PSMA8: variants seen among roughly 807,000 people sequenced by gnomAD.
PSMA8 encodes the protein proteasome subunit alpha-type 8.
PSMA8 carries 18 observed loss-of-function variants against 32.4 expected under a neutral mutation model. That is an observed-to-expected ratio of 0.56 (90% CI 0.38 to 0.82). PSMA8 has a LOEUF of 0.82. Among genes scored for constraint, PSMA8 ranks in the 40% least tolerant of loss-of-function variants. The pLI, the probability that PSMA8 is intolerant of heterozygous loss-of-function variation, is 0.00. For synonymous variants in PSMA8, 104 were observed against 98.1 expected (o/e 1.06, Z -0.36); for missense variants, 298 against 300.7 (o/e 0.99, Z 0.07).
intron 3 of PSMA8, among the ~76,000 whole-genome samples, chr18:26,157,112 A>C (rs950328494): frequency 1.3e-5 from 2 of 151,776 alleles, no homozygotes; most frequent in African/African-American, 4.8e-5. Flanking sequence ...ATTTTAAAAT[A>C]CATATAATAA....
rs565553452 is a variant in PSMA8 at position 26,184,857 on chromosome 18, C to T, written c.660+5727C>T. On this transcript the variant is annotated intron_variant, in intron 6 of 6. Coordinates refer to ENST00000415576, the MANE Select transcript of PSMA8 (RefSeq NM_001025096.2). ...ATCCCAGTACTTTGGGAGGCCAAGG[C>T]GGGTGGATCACCTGAGGTTAGGAGT... 6.1e-5 allele frequency among the ~76,000 whole-genome samples: 9 copies of T among 147,920 alleles called. 1 individual carries two copies. Among genetic ancestry groups the T allele is most frequent in the African/African-American group, 2.3e-4 (9 of 39,832 alleles).
intron 1 of PSMA8, chr18:26,140,034 T>C (rs1328046591): frequency 1.4e-6 from 1 of 702,892 alleles, no homozygotes. Context: ...TTTATTTTCT[T>C]CCTTTGGTAG....
chr18:26,181,396 T>G (rs936274560), intron 6 of PSMA8, among the ~76,000 whole-genome samples: 3 of 152,136 alleles, frequency 2.0e-5, no homozygotes, highest in African/African-American at 7.2e-5. Flanking sequence ...CTCCCTCTCC[T>G]CAGGCCTCCT....
intron 6 of PSMA8, among the ~76,000 whole-genome samples, chr18:26,183,616 A>C (rs1459356505): frequency 6.6e-6 from 1 of 150,718 alleles, no homozygotes; most frequent in Non-Finnish European, 1.5e-5. Flanking sequence ...GTTGCTTCTT[A>C]AAGATGAGAA....
At chr18:26,148,696 T>C (rs559722146) in intron 2 of PSMA8, among the ~76,000 whole-genome samples, 135 of 152,200 alleles carry the variant, frequency 8.9e-4, no homozygotes, top group South Asian at 2.9e-3. Flanking sequence ...TAAATAAAGG[T>C]ATCCAAATTG....
intron 3 of PSMA8, among the ~76,000 whole-genome samples, chr18:26,154,194 G>A (rs915171859): frequency 3.3e-5 from 5 of 152,080 alleles, no homozygotes; most frequent in Admixed American, 2.6e-4. Context: ...GAGCCACTGC[G>A]CCCAGTCAAA....
intron 6 of PSMA8, among the ~76,000 whole-genome samples, chr18:26,187,819 T>C (rs2055368821): frequency 1.3e-5 from 2 of 152,142 alleles, no homozygotes; most frequent in Non-Finnish European, 2.9e-5. Flanking sequence ...ACCAGATAGA[T>C]TCCAATACAA....
At chr18:26,152,346 A>G (rs1379882523) in intron 3 of PSMA8, among the ~76,000 whole-genome samples, 3 of 151,886 alleles carry the variant, frequency 2.0e-5, no homozygotes, top group Non-Finnish European at 4.4e-5. Context: ...GTTTTTTGAG[A>G]CAGGGTCTCA....
intron 4 of PSMA8, among the ~76,000 whole-genome samples, chr18:26,160,182 G>T (rs2055124249): frequency 6.6e-6 from 1 of 152,130 alleles, no homozygotes; most frequent in Admixed American, 6.5e-5. Flanking sequence ...GTACACACTT[G>T]TAGTCCCAGC....
chr18:26,156,255 A>C (rs1598651700), intron 3 of PSMA8, among the ~76,000 whole-genome samples: 1 of 152,194 alleles, frequency 6.6e-6, no homozygotes, highest in African/African-American at 2.4e-5. Context: ...TCCTCAGAAA[A>C]CTATTATAGA....
chr18:26,143,372 G>A (rs2054975080), intron 1 of PSMA8, among the ~76,000 whole-genome samples: 1 of 152,160 alleles, frequency 6.6e-6, no homozygotes, highest in Non-Finnish European at 1.5e-5. Context: ...ATGGCATCCT[G>A]TCCATGGTTG....
intron 1 of PSMA8, among the ~76,000 whole-genome samples, chr18:26,134,954 C>T (rs1254286808): frequency 7.0e-6 from 1 of 142,602 alleles, no homozygotes; most frequent in Non-Finnish European, 1.5e-5. Context: ...AACTCCGTCT[C>T]GGGAAAAAAA....
chr18:26,180,713 C>CAT (rs2055304211), intron 6 of PSMA8, among the ~76,000 whole-genome samples: 1 of 151,966 alleles, frequency 6.6e-6, no homozygotes, highest in African/African-American at 2.4e-5. Context: ...CACACACACA[C>CAT]ACACACACAC....
chr18:26,192,172 G>A (rs1381761985), intron 6 of PSMA8, 147 bp from the exon 7 acceptor site: 20 of 691,818 alleles, frequency 2.9e-5, no homozygotes, highest in Non-Finnish European at 4.1e-5. Flanking sequence ...TAGACCTCTT[G>A]AAATGCTTCA....
At chr18:26,170,883 A>G in intron 4 of PSMA8, 1 of 1,559,592 alleles carries the variant, frequency 6.4e-7, no homozygotes, top group South Asian at 1.1e-5. Flanking sequence ...CCTTGTCACA[A>G]ATAGTTTAAG....
chr18:26,143,728 T>C (rs2054978093), intron 1 of PSMA8, among the ~76,000 whole-genome samples: 3 of 152,094 alleles, frequency 2.0e-5, no homozygotes, highest in Admixed American at 1.3e-4. Flanking sequence ...TATCATACTT[T>C]CTTTTTTTTT....
At chr18:26,141,713 C>CTTTTTTTTTTTTTTTTTTTTTTTTTTTT (rs1011733993) in intron 1 of PSMA8, among the ~76,000 whole-genome samples, 2 of 109,992 alleles carry the variant, frequency 1.8e-5, no homozygotes, top group African/African-American at 7.5e-5. Context: ...TTTCTTTTTT[C>CTTTTTTTTTTTTTTTTTTTTTTTTTTTT]TTTTTTTTTT....
At chr18:26,147,631 T>G (rs909945996) in intron 2 of PSMA8, among the ~76,000 whole-genome samples, 4 of 152,224 alleles carry the variant, frequency 2.6e-5, no homozygotes, top group African/African-American at 9.6e-5. Flanking sequence ...TATATCATAT[T>G]GTTTGTTAGC....
rs574260788 is a variant in PSMA8, at chr18:26,154,777, C to T, written c.354+2795C>T. Among the ~76,000 whole-genome samples the T allele has an allele frequency of 5.1e-3, 782 of 152,186 alleles. 3 individuals are homozygous for T. Among genetic ancestry groups the T allele is most frequent in the Non-Finnish European group, 8.3e-3 (567 of 67,992 alleles). ...GATTACAGGCACGTGCCACTACGCC[C>T]AGCTAATTTTTGTATTTTCAGTAGA... On this transcript the variant is annotated intron_variant, in intron 3 of 6. Coordinates refer to ENST00000415576, the MANE Select transcript of PSMA8 (RefSeq NM_001025096.2).
Sources: gnomAD v4.1 joint callset for allele counts (sites outside exome capture counted in the v4.1 genomes callset) on GRCh38, gnomAD v4.1.1 for gene constraint, MANE v1.5 for transcripts, NCBI Gene and HGNC (gene_info 2026-07-23, HGNC 2026-07-21) for gene names.